Variants in PPP1R3A observed in about 807,000 individuals in gnomAD.
PPP1R3A encodes the protein protein phosphatase 1 regulatory subunit 3A.
In PPP1R3A, 29 loss-of-function variants were observed where a neutral mutation model predicts 41.7. The ratio of observed to expected loss-of-function variants is 0.70; its 90% CI spans 0.52 to 0.95. The LOEUF (loss-of-function observed/expected upper bound fraction) is 0.95. Among genes scored for constraint, PPP1R3A ranks in the 40% least tolerant of loss-of-function variants. PPP1R3A has a pLI of 0.00. For missense variants in PPP1R3A, 1,352 were observed against 1,292.4 expected (o/e 1.05, Z -0.71); for synonymous variants, 485 against 453.4 (o/e 1.07, Z -0.89).
chr7:113,913,854 G>A (rs1310165696), intron 1 of PPP1R3A, among the ~76,000 whole-genome samples: 5 of 152,058 alleles, frequency 3.3e-5, no homozygotes, highest in Non-Finnish European at 5.9e-5. Flanking sequence ...TCTGAACTTG[G>A]TTTTGGTGTT....
intron 1 of PPP1R3A, among the ~76,000 whole-genome samples, chr7:113,899,789 T>C (rs1251945356): frequency 6.6e-6 from 1 of 151,826 alleles, no homozygotes; most frequent in Non-Finnish European, 1.5e-5. Context: ...CCGTTTGCTA[T>C]GTGCAGCCAA....
intron 1 of PPP1R3A, among the ~76,000 whole-genome samples, chr7:113,910,402 A>G (rs1205483356): frequency 6.6e-6 from 1 of 152,124 alleles, no homozygotes; most frequent in Non-Finnish European, 1.5e-5. Context: ...CATTGGAAAC[A>G]ATAATTATAA....
Position 113,879,287 on chromosome 7 carries a change from T to C in PPP1R3A, c.1805A>G (p.His602Arg). Residue 602 changes from histidine to arginine, a missense_variant, in exon 4 of 4, where the codon CAT (histidine) becomes CGT (arginine). Transcript: ENST00000284601. Reference sequence around the variant, plus strand: ...TAAAGCGCTGCCTTCACTAGTCAAATGATGATGCTCTGGGGTTAACACAGC... The same window carrying C: ...TAAAGCGCTGCCTTCACTAGTCAAACGATGATGCTCTGGGGTTAACACAGC... ...EEAVLTPEHH[H>R]LTSEGSALGG... The C allele has an allele frequency of 6.2e-7, 1 of 1,613,702 alleles. No homozygotes were observed. Among genetic ancestry groups the C allele is most frequent in the Non-Finnish European group, 8.5e-7 (1 of 1,179,750 alleles).
chr7:113,913,372 T>G (rs1248999218), intron 1 of PPP1R3A, among the ~76,000 whole-genome samples: 1 of 152,096 alleles, frequency 6.6e-6, no homozygotes. Flanking sequence ...ATTTTCACAA[T>G]TTTACCACCC....
intron 1 of PPP1R3A, among the ~76,000 whole-genome samples, chr7:113,908,736 T>A (rs577331681): frequency 6.6e-6 from 1 of 151,746 alleles, no homozygotes; most frequent in African/African-American, 2.4e-5. Flanking sequence ...AGTCATGGAG[T>A]GAACCTAAGT....
rs201521408 is a variant in PPP1R3A at position 113,918,866 on chromosome 7, C to T, written c.131G>A (p.Arg44Gln). 133 of 1,613,750 alleles carry T rather than the reference C, an allele frequency of 8.2e-5. No homozygotes were observed. The highest frequency in any genetic ancestry group is 3.3e-4 in the East Asian group (15 of 44,854). The change falls in exon 1 of 4, where the codon CGA (arginine) becomes CAA (glutamine). Residue 44 changes from arginine to glutamine, a missense_variant. By Grantham distance (43) the Arg-to-Gln change is conservative. Transcript: ENST00000284601. ...QPGFSPQPSR[R>Q]GSDSSEDIYL... ...TATGTCTTCAGAAGAATCAGAACCT[C>T]GTCTACTTGGTTGAGGGGAGAAACC...
At chr7:113,881,154 A>T (rs1796686665) in intron 3 of PPP1R3A, among the ~76,000 whole-genome samples, 1 of 152,022 alleles carries the variant, frequency 6.6e-6, no homozygotes, top group African/African-American at 2.4e-5. Context: ...TAGTTTCTTA[A>T]AGTTGGAGCA....
intron 1 of PPP1R3A, among the ~76,000 whole-genome samples, chr7:113,898,619 A>C (rs1038798640): frequency 6.6e-6 from 1 of 151,844 alleles, no homozygotes; most frequent in Admixed American, 6.6e-5. Context: ...CCTGGCCTAC[A>C]CAAACTACAG....
chr7:113,911,395 A>T (rs2129120648), intron 1 of PPP1R3A, among the ~76,000 whole-genome samples: 1 of 152,258 alleles, frequency 6.6e-6, no homozygotes, highest in African/African-American at 2.4e-5. Flanking sequence ...GATACATAGA[A>T]TGCTTTAAAA....
At chr7:113,903,192 A>T (rs147477192) in intron 1 of PPP1R3A, among the ~76,000 whole-genome samples, 1 of 151,756 alleles carries the variant, frequency 6.6e-6, no homozygotes, top group South Asian at 2.1e-4. Flanking sequence ...AAAAGTGTAA[A>T]CTTTAGATTT....
intron 1 of PPP1R3A, among the ~76,000 whole-genome samples, chr7:113,888,091 C>T (rs1234182855): frequency 6.6e-6 from 1 of 151,472 alleles, no homozygotes; most frequent in Non-Finnish European, 1.5e-5. Context: ...GTTCAGAGGG[C>T]TGGACTCTGT....
intron 1 of PPP1R3A, 58 bp from the exon 2 acceptor site, chr7:113,882,378 T>G: frequency 9.6e-7 from 1 of 1,038,022 alleles, no homozygotes; most frequent in South Asian, 1.3e-5. Context: ...TTCTAAGTAT[T>G]TTTACACAGG....
At chr7:113,899,172 G>A (rs1797023999) in intron 1 of PPP1R3A, among the ~76,000 whole-genome samples, 1 of 151,642 alleles carries the variant, frequency 6.6e-6, no homozygotes, top group Admixed American at 6.6e-5. Context: ...CCTTAAAAAT[G>A]CCCAGTCACC....
In PPP1R3A at chr7:113,886,695, AT is replaced by A. The variant is rs1403480835; in HGVS notation, c.783-4376del. 3.9e-5 allele frequency among the ~76,000 whole-genome samples: 6 copies of A among 152,298 alleles called. No homozygotes were observed. The South Asian group carries it at 8.3e-4, about 21-fold the overall frequency. On this transcript the variant is annotated intron_variant, in intron 1 of 3. Coordinates refer to ENST00000284601, the MANE Select transcript of PPP1R3A (RefSeq NM_002711.4). Reference sequence around the variant, plus strand: ...AATAGTTCAATTCTAGTTTCAAATAATTTATGAAGATAGAGTACTCTCTGGC... The same window carrying A: ...AATAGTTCAATTCTAGTTTCAAATAATTATGAAGATAGAGTACTCTCTGGC...
At position 113,894,841 on chromosome 7, in the gene PPP1R3A, A is replaced by T. The variant is rs369823533; in HGVS notation, c.783-12521T>A. ...AGCTCTAACCTCCAAACTCTATAGT[A>T]TTTGAATTAACATATTATTTTGAAA... is the stretch of plus-strand genomic sequence containing the variant. On this transcript the variant is annotated intron_variant, in intron 1 of 3. Transcript: ENST00000284601. 1.3e-4 allele frequency among the ~76,000 whole-genome samples: 20 copies of T among 152,134 alleles called. 1 individual carries two copies. The highest frequency in any genetic ancestry group is 4.8e-4 in the African/African-American group (20 of 41,540).
At chr7:113,900,698 TTATA>T (rs529477996) in intron 1 of PPP1R3A, among the ~76,000 whole-genome samples, 1 of 148,494 alleles carries the variant, frequency 6.7e-6, no homozygotes, top group African/African-American at 2.5e-5. Flanking sequence ...ATATAGTGAT[TTATA>T]TATATACAGT....
chr7:113,882,134 G>C lies in PPP1R3A; in HGVS notation c.871C>G (p.His291Asp). 1 of 1,611,540 alleles carries C rather than the reference G, an allele frequency of 6.2e-7. No individual in the cohort carries two copies. The highest frequency in any genetic ancestry group is 8.5e-7 in the Non-Finnish European group (1 of 1,178,194). ...GCTTCCAAATCTTCCTTGTCCTCAT[G>C]AGAACAAATGATTGTTGGGATATAG... Reference protein sequence around the residue: ...DTYIPTIICSHEDKEDLEASN... With the variant: ...DTYIPTIICSDEDKEDLEASN... Residue 291 changes from histidine to aspartate, a missense_variant, in exon 3 of 4, where the codon CAT (histidine) becomes GAT (aspartate). His to Asp is a moderately conservative substitution (Grantham distance 81). Transcript: ENST00000284601.
Position 113,878,693 on chromosome 7 carries a change from T to C in PPP1R3A, c.2399A>G (p.Asp800Gly), listed in dbSNP as rs1796618200. 1.2e-6 allele frequency: 2 copies of C among 1,613,300 alleles called. No homozygotes were observed. The highest frequency in any genetic ancestry group is 1.3e-5 in the African/African-American group (1 of 74,868). Residue 800 changes from aspartate to glycine, a missense_variant, in exon 4 of 4, where the codon GAT becomes GGT. Asp to Gly is a moderately conservative substitution (Grantham distance 94). Transcript: ENST00000284601. Reference protein sequence around the residue: ...RDTVGVIYDNDFEKESRLGIC... With the variant: ...RDTVGVIYDNGFEKESRLGIC... ...ACCTAAACGTGATTCCTTTTCAAAA[T>C]CATTGTCATAGATTACACCTACTGT...
intron 3 of PPP1R3A, among the ~76,000 whole-genome samples, chr7:113,881,709 G>A (rs1008979571): frequency 6.6e-6 from 1 of 151,918 alleles, no homozygotes; most frequent in Non-Finnish European, 1.5e-5. Flanking sequence ...TTTTATAGAC[G>A]AGTTTATGCT....
Sources: gnomAD v4.1 joint callset for allele counts (sites outside exome capture counted in the v4.1 genomes callset) on GRCh38, gnomAD v4.1.1 for gene constraint, MANE v1.5 for transcripts, NCBI Gene and HGNC (gene_info 2026-07-23, HGNC 2026-07-21) for gene names.